Variants in RGSL1 observed in about 807,000 individuals in gnomAD.
RGSL1 encodes the protein regulator of G protein signaling protein-like.
Under a neutral mutation model 124.7 loss-of-function variants are expected in RGSL1, and 97 were observed. The ratio of observed to expected loss-of-function variants is 0.78; its 90% CI spans 0.66 to 0.92. RGSL1 has a LOEUF of 0.92. Among genes scored for constraint, RGSL1 ranks in the 40% least tolerant of loss-of-function variants. RGSL1 has a pLI of 0.00. For missense variants in RGSL1, 1,233 were observed against 1,288.4 expected (o/e 0.96, Z 0.66); for synonymous variants, 424 against 438.1 (o/e 0.97, Z 0.40).
chr1:182,553,810 C>G (rs1440023744), intron 19 of RGSL1, among the ~76,000 whole-genome samples: 2 of 152,126 alleles, frequency 1.3e-5, no homozygotes, highest in Non-Finnish European at 2.9e-5. Flanking sequence ...GTACCTTAAG[C>G]TTCTCTATAT....
At chr1:182,542,074 T>A (rs1659926325) in intron 15 of RGSL1, among the ~76,000 whole-genome samples, 1 of 152,192 alleles carries the variant, frequency 6.6e-6, no homozygotes, top group Admixed American at 6.5e-5. Flanking sequence ...CAGAAGCTTT[T>A]TAGCTTGATG....
intron 9 of RGSL1, among the ~76,000 whole-genome samples, chr1:182,519,011 G>T (rs1402572569): frequency 7.9e-6 from 1 of 126,864 alleles, no homozygotes; most frequent in African/African-American, 4.2e-5. Flanking sequence ...AGATTAAAAT[G>T]GGGGGGGGTA....
At chr1:182,460,742 C>T (rs1652758642) in intron 4 of RGSL1, 1 of 455,694 alleles carries the variant, frequency 2.2e-6, no homozygotes, top group African/African-American at 2.0e-5. Flanking sequence ...ATTGTACTGG[C>T]AGAATCTGTA....
intron 6 of RGSL1, among the ~76,000 whole-genome samples, chr1:182,477,991 A>G (rs1211075939): frequency 6.6e-6 from 1 of 152,336 alleles, no homozygotes; most frequent in South Asian, 2.1e-4. Flanking sequence ...AGAAATGGAG[A>G]TCCATAAACT....
intron 11 of RGSL1, among the ~76,000 whole-genome samples, chr1:182,528,143 A>G (rs1658892005): frequency 6.6e-6 from 1 of 152,128 alleles, no homozygotes; most frequent in African/African-American, 2.4e-5. Context: ...TGAGTGCCAA[A>G]TGAAGGGGGA....
At chr1:182,513,897 CTTTTTT>C (rs35152167) in intron 9 of RGSL1, among the ~76,000 whole-genome samples, 7 of 138,822 alleles carry the variant, frequency 5.0e-5, no homozygotes, top group African/African-American at 1.6e-4. Flanking sequence ...CTCTCCCTAT[CTTTTTT>C]TTTTTTTTTT....
chr1:182,546,633 C>T (rs147423482), intron 15 of RGSL1, among the ~76,000 whole-genome samples: 332 of 152,280 alleles, frequency 2.2e-3, no homozygotes, highest in Middle Eastern at 6.8e-3. Context: ...ACATCATGAT[C>T]GCCTGCCTCA....
intron 2 of RGSL1, among the ~76,000 whole-genome samples, chr1:182,454,666 A>G (rs1571455663): frequency 6.6e-6 from 1 of 151,792 alleles, no homozygotes; most frequent in East Asian, 1.9e-4. Flanking sequence ...TCTGCAGGAC[A>G]AGGACTGAGG....
chr1:182,509,698 CGGCT>C (rs1479457324), intron 9 of RGSL1, among the ~76,000 whole-genome samples: 1 of 130,454 alleles, frequency 7.7e-6, no homozygotes, highest in East Asian at 2.6e-4. Flanking sequence ...CCGGACGGCA[CGGCT>C]GGCCGGGCGG....
At chr1:182,512,333 C>A (rs1479473167) in intron 9 of RGSL1, among the ~76,000 whole-genome samples, 6 of 152,086 alleles carry the variant, frequency 3.9e-5, no homozygotes, top group African/African-American at 1.4e-4. Flanking sequence ...GCTATTCTTG[C>A]CTCTTTATTT....
Position 182,548,715 on chromosome 1 carries a change from T to A in RGSL1, c.2824T>A (p.Phe942Ile). Residue 942 changes from phenylalanine to isoleucine, a missense_variant, in exon 17 of 22, where the codon TTC becomes ATC. Physicochemically the swap from Phe to Ile is conservative, Grantham distance 21. Transcript: ENST00000294854. Reference protein sequence around the residue: ...PPKLRVNVPEFQKDAILAAIT... With the variant: ...PPKLRVNVPEIQKDAILAAIT... ...CTGTGGGTAGGTGAATGTCCCTGAG[T>A]TCCAGAAGGATGCCATCCTTGCTGC... The A allele has an allele frequency of 1.9e-6, 3 of 1,551,388 alleles. No individual in the cohort carries two copies. The highest frequency in any genetic ancestry group is 2.6e-6 in the Non-Finnish European group (3 of 1,146,926).
intron 2 of RGSL1, 67 bp from the exon 3 acceptor site, chr1:182,458,252 A>G (rs1025543319): frequency 4.4e-5 from 51 of 1,163,834 alleles, no homozygotes; most frequent in Middle Eastern, 3.9e-4. Flanking sequence ...GTGGCTGTAG[A>G]GGGACTGTGT....
At chr1:182,548,891 C>T (rs1255937324) in intron 17 of RGSL1, 67 bp downstream of exon 17, 4 of 1,523,752 alleles carry the variant, frequency 2.6e-6, no homozygotes, top group African/African-American at 1.4e-5. Context: ...AGAGAGTTTT[C>T]TGCCTTCCTC....
chr1:182,498,340 C>T (rs1347353173), intron 9 of RGSL1, among the ~76,000 whole-genome samples: 1 of 152,188 alleles, frequency 6.6e-6, no homozygotes, highest in African/African-American at 2.4e-5. Flanking sequence ...CTTCTACTTT[C>T]CCTGTCTAGC....
chr1:182,513,830 G>T (rs1657653163), intron 9 of RGSL1, among the ~76,000 whole-genome samples: 1 of 151,966 alleles, frequency 6.6e-6, no homozygotes, highest in African/African-American at 2.4e-5. Context: ...AGATAGAGAG[G>T]TGTACTTTAC....
At chr1:182,494,154 C>G (rs886901681) in intron 9 of RGSL1, among the ~76,000 whole-genome samples, 3 of 152,178 alleles carry the variant, frequency 2.0e-5, no homozygotes, top group African/African-American at 7.2e-5. Flanking sequence ...ACTTGTCAAC[C>G]TATCATACAA....
At chr1:182,526,728 A>G (rs1449564184) in intron 10 of RGSL1, among the ~76,000 whole-genome samples, 1 of 152,156 alleles carries the variant, frequency 6.6e-6, no homozygotes, top group Admixed American at 6.5e-5. Flanking sequence ...ATAAGGGGGG[A>G]GAAATTCACA....
At chr1:182,530,160 T>TG in intron 11 of RGSL1, 84 bp from the exon 12 acceptor site, 1 of 778,996 alleles carries the variant, frequency 1.3e-6, no homozygotes, top group African/African-American at 1.9e-5. Flanking sequence ...GACTCTAAGA[T>TG]AAAAAAAAAA....
chr1:182,499,002 A>G (rs1009006772), intron 9 of RGSL1, among the ~76,000 whole-genome samples: 1 of 152,180 alleles, frequency 6.6e-6, no homozygotes, highest in Non-Finnish European at 1.5e-5. Context: ...AATGTTGGCC[A>G]GGCTGGTCTC....
Sources: gnomAD v4.1 joint callset for allele counts (sites outside exome capture counted in the v4.1 genomes callset) on GRCh38, gnomAD v4.1.1 for gene constraint, MANE v1.5 for transcripts, NCBI Gene and HGNC (gene_info 2026-07-23, HGNC 2026-07-21) for gene names.